The following PLXNA4 variants were observed in gnomAD, a reference collection of about 807,000 sequenced individuals.
PLXNA4 encodes the protein plexin A4.
Under a neutral mutation model 191.8 loss-of-function variants are expected in PLXNA4, and 44 were observed. The observed-to-expected ratio is 0.23, with a 90% confidence interval of 0.18 to 0.29. PLXNA4 has a LOEUF of 0.29. Ranked by LOEUF, PLXNA4 falls within the 10% of genes least tolerant of loss-of-function variation. The pLI, the probability that PLXNA4 is intolerant of heterozygous loss-of-function variation, is 1.00. For synonymous variants in PLXNA4, 1,082 were observed against 1,009.5 expected (o/e 1.07, Z -1.36); for missense variants, 1,800 against 2,488.8 (o/e 0.72, Z 5.89).
chr7:132,221,634 C>T (rs1004608363), intron 9 of PLXNA4, among the ~76,000 whole-genome samples: 11 of 152,158 alleles, frequency 7.2e-5, no homozygotes, highest in Non-Finnish European at 2.9e-5. Context: ...ACCTTTATAT[C>T]CATGTTGTCT....
chr7:132,549,965 A>C (rs1483892960), intron 1 of PLXNA4, among the ~76,000 whole-genome samples: 1 of 152,188 alleles, frequency 6.6e-6, no homozygotes, highest in Non-Finnish European at 1.5e-5. Flanking sequence ...CAGGTGGGTG[A>C]GATCCTCACT....
chr7:132,497,579 A>C (rs557857419), intron 2 of PLXNA4, among the ~76,000 whole-genome samples: 1 of 152,322 alleles, frequency 6.6e-6, no homozygotes, highest in African/African-American at 2.4e-5. Flanking sequence ...TAACAAAGAA[A>C]TCAAAAAGAC....
At chr7:132,489,856 G>A (rs201812390) in intron 2 of PLXNA4, among the ~76,000 whole-genome samples, 1 of 152,226 alleles carries the variant, frequency 6.6e-6, no homozygotes. Flanking sequence ...GGGGCTCCAG[G>A]CCGCTCTGCT....
In PLXNA4 at chr7:132,168,386, T is replaced by C. The variant is rs1250343568; in HGVS notation, c.4204A>G (p.Thr1402Ala). Residue 1402 changes from threonine (T) to alanine (A), a missense_variant, in exon 22 of 32, where the codon ACT becomes GCT. Physicochemically the swap from Thr to Ala is moderately conservative, Grantham distance 58. Transcript: ENST00000321063. ...TVLQSKLEYA[T>A]DVLKQLLADL... ...GCCAGCAGCTGCTTCAGCACATCAG[T>C]GGCGTACTCCAGCTTGCTCTGCAGC... 1 of 1,613,098 alleles carries C rather than the reference T, an allele frequency of 6.2e-7. No homozygotes were observed. Among genetic ancestry groups the C allele is most frequent in the South Asian group, 1.1e-5 (1 of 90,970 alleles).
chr7:132,171,983 C>T (rs1796301148), intron 21 of PLXNA4, among the ~76,000 whole-genome samples: 1 of 152,192 alleles, frequency 6.6e-6, no homozygotes, highest in Non-Finnish European at 1.5e-5. Context: ...GGATCCCTTT[C>T]CTCCAAGAGT....
intron 1 of PLXNA4, among the ~76,000 whole-genome samples, chr7:132,516,397 C>A (rs1270850847): frequency 6.6e-6 from 1 of 152,126 alleles, no homozygotes; most frequent in Non-Finnish European, 1.5e-5. Context: ...AAAAAGCTGT[C>A]TTGTGTTAGC....
At position 132,192,092 on chromosome 7, in the gene PLXNA4, C is replaced by T. The variant is rs374590918; in HGVS notation, c.2856+1970G>A. 1.6e-4 allele frequency among the ~76,000 whole-genome samples: 24 copies of T among 152,268 alleles called. No individual in the cohort carries two copies. The Middle Eastern group carries it at 0.01, about 65-fold the overall frequency. On this transcript the variant is annotated intron_variant, in intron 14 of 31. Coordinates refer to ENST00000321063, the MANE Select transcript of PLXNA4 (RefSeq NM_020911.2). ...CTGCATCCAGAGGGGGTTTGGCCCT[C>T]GGAGAGCAGAGGTGGAGCAGATGCA...
chr7:132,507,684 G>T lies in PLXNA4; in HGVS notation c.1010C>A (p.Thr337Asn). Residue 337 changes from threonine to asparagine, a missense_variant, in exon 2 of 32, where the codon ACC becomes AAC. Transcript: ENST00000321063. ...CCGCTTCTGGCCCTTGGAGAAGACGGTGAAGAGCAGGTCATCATCTGGATG... is the reference window on the plus strand; with the variant it reads ...CCGCTTCTGGCCCTTGGAGAAGACGTTGAAGAGCAGGTCATCATCTGGATG... ...GVHPDDDLLF[T>N]VFSKGQKRKM... 1 of 1,614,226 alleles carries T rather than the reference G, an allele frequency of 6.2e-7. No homozygotes were observed. The highest frequency in any genetic ancestry group is 8.5e-7 in the Non-Finnish European group (1 of 1,180,046).
chr7:132,241,233 G>A, intron 4 of PLXNA4, 67 bp from the exon 5 acceptor site: 1 of 1,076,590 alleles, frequency 9.3e-7, no homozygotes, highest in Non-Finnish European at 1.3e-6. Flanking sequence ...TACCAGAAGA[G>A]ATGTTGCTCT....
chr7:132,246,182 A>ACCT (rs775204140), intron 4 of PLXNA4, among the ~76,000 whole-genome samples: 2 of 152,226 alleles, frequency 1.3e-5, no homozygotes, highest in Non-Finnish European at 2.9e-5. Context: ...ATATGAAAAC[A>ACCT]CCTGTTCTCT....
intron 5 of PLXNA4, among the ~76,000 whole-genome samples, chr7:132,237,702 A>G (rs1798748027): frequency 6.6e-6 from 1 of 152,236 alleles, no homozygotes; most frequent in Non-Finnish European, 1.5e-5. Context: ...ATTCTGTAAC[A>G]TCCTATATCA....
chr7:132,596,880 A>AC (rs1444178363), intron 2 of PLXNA4, among the ~76,000 whole-genome samples: 62 of 150,596 alleles, frequency 4.1e-4, no homozygotes, highest in African/African-American at 1.5e-3. Flanking sequence ...AAAAAAAAAC[A>AC]GCATGGAACC....
At chr7:132,565,682 C>A (rs956927483) in intron 1 of PLXNA4, among the ~76,000 whole-genome samples, 44 of 152,170 alleles carry the variant, frequency 2.9e-4, no homozygotes, top group African/African-American at 1.1e-3. Flanking sequence ...AATAGTCCCC[C>A]GTGGGCCTGA....
At chr7:132,436,783 C>T (rs913739571) in intron 3 of PLXNA4, among the ~76,000 whole-genome samples, 3 of 152,124 alleles carry the variant, frequency 2.0e-5, no homozygotes, top group Admixed American at 6.5e-5. Context: ...AGATGTTTGC[C>T]GCAAGCTAGG....
chr7:132,237,658 A>G (rs143650205), intron 5 of PLXNA4, among the ~76,000 whole-genome samples: 2,545 of 152,274 alleles, frequency 0.017, 38 homozygotes, highest in Non-Finnish European at 0.023. Flanking sequence ...AAGGTTACGA[A>G]TGACAGCACC....
chr7:132,490,685 C>T (rs1300564043), intron 2 of PLXNA4, among the ~76,000 whole-genome samples: 2 of 152,096 alleles, frequency 1.3e-5, no homozygotes, highest in African/African-American at 4.8e-5. Flanking sequence ...CTCAGCCTCC[C>T]GAAGTGCTAG....
chr7:132,594,083 G>A (rs894039714), intron 2 of PLXNA4, among the ~76,000 whole-genome samples: 12 of 152,168 alleles, frequency 7.9e-5, no homozygotes, highest in Non-Finnish European at 1.3e-4. Flanking sequence ...TGTGTCCCCC[G>A]CAAAAATCAT....
intron 1 of PLXNA4, among the ~76,000 whole-genome samples, chr7:132,560,605 C>T (rs940725269): frequency 2.6e-5 from 4 of 152,148 alleles, no homozygotes; most frequent in African/African-American, 7.2e-5. Flanking sequence ...TTGTATCCGC[C>T]GGCCTCCTGG....
intron 3 of PLXNA4, among the ~76,000 whole-genome samples, chr7:132,454,936 G>A (rs897865416): frequency 4.6e-5 from 7 of 152,288 alleles, no homozygotes; most frequent in East Asian, 3.9e-4. Flanking sequence ...CCTGTCCTAC[G>A]GTGGGCTGTC....
Sources: allele counts gnomAD v4.1 joint callset (sites outside exome capture counted in the v4.1 genomes callset), GRCh38; gene constraint gnomAD v4.1.1; transcripts MANE v1.5; gene names NCBI Gene and HGNC (gene_info 2026-07-23, HGNC 2026-07-21).